TCERG1L: variants seen among roughly 807,000 people sequenced by gnomAD.
The protein encoded by TCERG1L is transcription elongation regulator 1-like protein.
A neutral mutation model predicts 56.3 loss-of-function variants in TCERG1L; 37 were observed. The observed-to-expected ratio is 0.66, with a 90% CI of 0.51 to 0.87. TCERG1L has a LOEUF of 0.87. TCERG1L is among the 40% of genes least tolerant of loss of function. TCERG1L has a pLI of 0.00. For synonymous variants in TCERG1L, 324 were observed against 326.3 expected (o/e 0.99, Z 0.08); for missense variants, 799 against 774.2 (o/e 1.03, Z -0.38).
At chr10:131,264,148 C>A (rs138937647) in intron 3 of TCERG1L, among the ~76,000 whole-genome samples, 2,347 of 151,644 alleles carry the variant, frequency 0.015, 44 homozygotes, top group Middle Eastern at 0.021. Context: ...CCTGCCCAGC[C>A]AGAAGCTTCT....
intron 4 of TCERG1L, among the ~76,000 whole-genome samples, chr10:131,253,552 C>A (rs1846133361): frequency 6.6e-6 from 1 of 152,188 alleles, no homozygotes; most frequent in South Asian, 2.1e-4. Flanking sequence ...GCTGAGCTGA[C>A]CAGCATATTC....
chr10:131,290,126 GAGC>G (rs1177522737), intron 3 of TCERG1L, among the ~76,000 whole-genome samples: 3 of 97,830 alleles, frequency 3.1e-5, no homozygotes, highest in African/African-American at 3.6e-5. Flanking sequence ...TGCTGTGTGT[GAGC>G]AGGTGTGCAC....
intron 9 of TCERG1L, among the ~76,000 whole-genome samples, chr10:131,114,611 G>GA (rs1845437786): frequency 6.6e-6 from 1 of 152,100 alleles, no homozygotes; most frequent in South Asian, 2.1e-4. Flanking sequence ...AAAAGGCCCT[G>GA]AAAATCTCAT....
chr10:131,164,054 G>A lies in TCERG1L; in HGVS notation c.946-844C>T, dbSNP rs562738178. 11 of 150,852 alleles carry A rather than the reference G, an allele frequency of 7.3e-5. No homozygotes were observed. The East Asian group carries it at 2.2e-3, about 30-fold the overall frequency. 9.3% of individuals were successfully genotyped at this position (150,852 alleles called of 1,614,324 possible). On this transcript the variant is annotated intron_variant, in intron 5 of 11. Coordinates refer to ENST00000368642, the MANE Select transcript of TCERG1L (RefSeq NM_174937.4). ...AGGCAGGAGAATCACTTGAAACTTGGAGGCGGAGGTTGCAGTGAGCCGAGA... is the reference window on the plus strand; with the variant it reads ...AGGCAGGAGAATCACTTGAAACTTGAAGGCGGAGGTTGCAGTGAGCCGAGA...
chr10:131,291,376 T>C (rs1846620091), intron 3 of TCERG1L, among the ~76,000 whole-genome samples: 1 of 145,232 alleles, frequency 6.9e-6, no homozygotes, highest in African/African-American at 2.5e-5. Flanking sequence ...AATAATCTCA[T>C]GTGTATATTC....
At chr10:131,154,488 G>A (rs904005924) in intron 6 of TCERG1L, among the ~76,000 whole-genome samples, 5 of 152,172 alleles carry the variant, frequency 3.3e-5, no homozygotes, top group South Asian at 2.1e-4. Context: ...CCCTGGGGCC[G>A]GGCCACCAGG....
At chr10:131,198,663 T>C (rs1481235405) in intron 4 of TCERG1L, among the ~76,000 whole-genome samples, 2 of 152,210 alleles carry the variant, frequency 1.3e-5, no homozygotes, top group Non-Finnish European at 2.9e-5. Flanking sequence ...CTTAGGCCTG[T>C]GGCCCTCCCA....
intron 4 of TCERG1L, among the ~76,000 whole-genome samples, chr10:131,258,071 G>A (rs567179261): frequency 1.7e-4 from 26 of 152,270 alleles, no homozygotes; most frequent in African/African-American, 5.5e-4. Flanking sequence ...CTCTCCGCCA[G>A]GCCGGGGCCA....
At chr10:131,180,604 T>C (rs1211671765) in intron 4 of TCERG1L, among the ~76,000 whole-genome samples, 1 of 152,222 alleles carries the variant, frequency 6.6e-6, no homozygotes, top group Non-Finnish European at 1.5e-5. Context: ...GGGCCGGTAC[T>C]ATTCCTATAG....
At chr10:131,139,233 T>G (rs1165439631) in intron 7 of TCERG1L, among the ~76,000 whole-genome samples, 2 of 152,210 alleles carry the variant, frequency 1.3e-5, no homozygotes, top group African/African-American at 4.8e-5. Flanking sequence ...AGCCAACAAT[T>G]CTAATAATGT....
At chr10:131,218,618 T>C (rs2918158) in intron 4 of TCERG1L, among the ~76,000 whole-genome samples, 85,886 of 152,146 alleles carry the variant, frequency 0.56, 25,206 homozygotes, top group African/African-American at 0.73. Flanking sequence ...CTCAGCCTGC[T>C]GAGTAGCTGG....
At chr10:131,146,083 C>T (rs1845791154) in intron 7 of TCERG1L, among the ~76,000 whole-genome samples, 1 of 152,146 alleles carries the variant, frequency 6.6e-6, no homozygotes, top group African/African-American at 2.4e-5. Context: ...CATCCAAGCA[C>T]AACAGCAGAT....
intron 4 of TCERG1L, among the ~76,000 whole-genome samples, chr10:131,171,516 T>C (rs907622902): frequency 8.5e-5 from 13 of 152,196 alleles, no homozygotes; most frequent in Non-Finnish European, 1.8e-4. Context: ...GCATATGCCA[T>C]GTAGTCATCA....
At chr10:131,121,006 T>A (rs1845506980) in intron 8 of TCERG1L, among the ~76,000 whole-genome samples, 1 of 152,214 alleles carries the variant, frequency 6.6e-6, no homozygotes, top group African/African-American at 2.4e-5. Context: ...GCCACAGGTG[T>A]GTCAGGGCTG....
intron 7 of TCERG1L, among the ~76,000 whole-genome samples, chr10:131,144,548 A>G (rs1845774064): frequency 1.3e-5 from 2 of 152,130 alleles, no homozygotes; most frequent in African/African-American, 4.8e-5. Flanking sequence ...GGAAGTTGAG[A>G]ATCGAAGTCA....
chr10:131,260,385 C>A lies in TCERG1L; in HGVS notation c.730G>T (p.Ala244Ser). The A allele has an allele frequency of 6.7e-7, 1 of 1,488,006 alleles. No individual in the cohort carries two copies. The allele number at this position is 1,488,006 out of a possible 1,614,324, so 92.2% of individuals were successfully genotyped here. The part of the protein sequence containing the change: ...SSPAIAIATA[A>S]AAAMVSVDPE... The stretch of plus-strand genomic sequence containing the variant: ...TCCACGGAGACCATGGCAGCGGCGG[C>A]GGCGGTGGCGATGGCAATGGCGGGG... Residue 244 changes from alanine to serine, a missense_variant, in exon 4 of 12, where the codon GCC becomes TCC. Physicochemically the swap from Ala to Ser is moderately conservative, Grantham distance 99 (BLOSUM62 1). Transcript: ENST00000368642. The surrounding 1 kb of genome is among the most constrained non-coding windows in gnomAD (Gnocchi z 5.8).
chr10:131,272,909 G>T, intron 3 of TCERG1L, among the ~76,000 whole-genome samples: 1 of 152,178 alleles, frequency 6.6e-6, no homozygotes, highest in East Asian at 1.9e-4. Flanking sequence ...TTGTTTAGAG[G>T]ACCAAATGGA....
At chr10:131,188,873 T>C (rs1232497889) in intron 4 of TCERG1L, among the ~76,000 whole-genome samples, 1 of 152,238 alleles carries the variant, frequency 6.6e-6, no homozygotes, top group Non-Finnish European at 1.5e-5. Context: ...CACTTTCTTA[T>C]GCGAGTTTCC....
intron 7 of TCERG1L, among the ~76,000 whole-genome samples, chr10:131,142,601 G>A (rs1845750337): frequency 6.6e-6 from 1 of 152,228 alleles, no homozygotes; most frequent in African/African-American, 2.4e-5. Context: ...CACGGCTGCT[G>A]CAGCTGCTGC....
Sources: gnomAD v4.1 joint callset for allele counts (sites outside exome capture counted in the v4.1 genomes callset) on GRCh38, gnomAD v4.1.1 for gene constraint, Gnocchi (gnomAD v3.1) non-coding constraint, MANE v1.5 for transcripts, NCBI Gene and HGNC (gene_info 2026-07-23, HGNC 2026-07-21) for gene names.